Variants in TENM2 observed in about 807,000 individuals in gnomAD.
TENM2 encodes the protein teneurin transmembrane protein 2, also known as teneurin-2.
In TENM2, 52 loss-of-function variants were observed where a neutral mutation model predicts 245.2. The ratio of observed to expected loss-of-function variants is 0.21; its 90% confidence interval spans 0.17 to 0.27. The LOEUF (loss-of-function observed/expected upper bound fraction) is 0.27, where lower values mean the gene tolerates loss of function less well. Among genes scored for constraint, TENM2 ranks in the 10% least tolerant of loss-of-function variants. The pLI is 1.00. For synonymous variants in TENM2, 1,363 were observed against 1,438.9 expected (o/e 0.95, Z 1.19); for missense variants, 3,046 against 3,666.8 (o/e 0.83, Z 4.37).
intron 2 of TENM2, among the ~76,000 whole-genome samples, chr5:167,398,700 A>G (rs1283517368): frequency 1.3e-5 from 2 of 152,078 alleles, no homozygotes; most frequent in Non-Finnish European, 2.9e-5. Context: ...TCGGCCTCCC[A>G]AAGTGCTGGG....
intron 2 of TENM2, among the ~76,000 whole-genome samples, chr5:167,498,013 G>A (rs1180065830): frequency 6.6e-6 from 1 of 152,040 alleles, no homozygotes; most frequent in Non-Finnish European, 1.5e-5. Flanking sequence ...GAATTATGTC[G>A]AGAAGCTCTT....
chr5:168,031,213 T>G (rs1287937384), intron 5 of TENM2, among the ~76,000 whole-genome samples: 1 of 152,210 alleles, frequency 6.6e-6, no homozygotes, highest in Non-Finnish European at 1.5e-5. Context: ...TCAATAGAGA[T>G]GAATGTCCTC....
intron 4 of TENM2, among the ~76,000 whole-genome samples, chr5:167,974,037 A>AG (rs1554163794): frequency 4.0e-5 from 1 of 25,060 alleles, no homozygotes; most frequent in African/African-American, 4.1e-4. Context: ...GGAAGGAAGG[A>AG]GAAGGAAGGA....
At chr5:168,204,267 C>A in intron 18 of TENM2, 105 bp from the exon 21 acceptor site, 1 of 1,244,000 alleles carries the variant, frequency 8.0e-7, no homozygotes, top group Non-Finnish European at 1.1e-6. Flanking sequence ...GCTCCCCGAG[C>A]ACTGAAGATT....
the TENM2 span, among the ~76,000 whole-genome samples, chr5:167,017,329 T>G: frequency 2.1e-4 from 32 of 152,322 alleles, no homozygotes; most frequent in Admixed American, 3.3e-4. Flanking sequence ...AATAAAATGT[T>G]AAAAATCTGT....
intron 2 of TENM2, among the ~76,000 whole-genome samples, chr5:167,390,049 T>G (rs747124412): frequency 1.7e-4 from 26 of 152,202 alleles, no homozygotes. Flanking sequence ...CAGGTCCTAT[T>G]GTACCTTATT....
chr5:167,726,759 C>A (rs1760037420), intron 2 of TENM2, among the ~76,000 whole-genome samples: 1 of 152,074 alleles, frequency 6.6e-6, no homozygotes, highest in Non-Finnish European at 1.5e-5. Context: ...ATGCTGGGCC[C>A]CCTTTTCTTA....
chr5:168,008,911 G>T (rs1217880627), intron 5 of TENM2, among the ~76,000 whole-genome samples: 1 of 152,108 alleles, frequency 6.6e-6, no homozygotes, highest in African/African-American at 2.4e-5. Flanking sequence ...TCTCTGCACG[G>T]TTTCTTTATT....
chr5:168,205,510 G>A (rs1048029649), intron 19 of TENM2, among the ~76,000 whole-genome samples: 3 of 152,184 alleles, frequency 2.0e-5, no homozygotes, highest in East Asian at 3.8e-4. Context: ...GGATGAGGAG[G>A]CTACGTAAGG....
chr5:168,012,558 G>A (rs1785301799), intron 5 of TENM2, among the ~76,000 whole-genome samples: 1 of 151,254 alleles, frequency 6.6e-6, no homozygotes, highest in Non-Finnish European at 1.5e-5. Flanking sequence ...TGAGGTGGGA[G>A]GATAGCTTGA....
chr5:167,933,255 C>T (rs149038246), intron 3 of TENM2, among the ~76,000 whole-genome samples: 10 of 152,224 alleles, frequency 6.6e-5, no homozygotes, highest in African/African-American at 2.4e-4. Context: ...TTTGTTTGTT[C>T]TTTGTTAACA....
At chr5:167,695,160 A>C (rs1459882289) in intron 2 of TENM2, among the ~76,000 whole-genome samples, 1 of 152,210 alleles carries the variant, frequency 6.6e-6, no homozygotes, top group Non-Finnish European at 1.5e-5. Flanking sequence ...TAGGCACAGC[A>C]CCTGCAGTGG....
intron 2 of TENM2, among the ~76,000 whole-genome samples, chr5:167,595,886 A>C (rs1776171475): frequency 6.6e-6 from 1 of 152,198 alleles, no homozygotes; most frequent in South Asian, 2.1e-4. Flanking sequence ...AAAATAAAGG[A>C]AGAAAAACTT....
intron 1 of TENM2, among the ~76,000 whole-genome samples, chr5:167,346,931 C>A (rs1302946770): frequency 2.6e-5 from 4 of 152,088 alleles, no homozygotes; most frequent in Non-Finnish European, 5.9e-5. Flanking sequence ...TACGCCTCCA[C>A]ACCCAGCTAT....
At chr5:167,859,117 C>A (rs1310676866) in intron 2 of TENM2, among the ~76,000 whole-genome samples, 63 of 132,482 alleles carry the variant, frequency 4.8e-4, no homozygotes, top group Middle Eastern at 8.5e-3. Flanking sequence ...CGCCTCTGCC[C>A]CGCCGCCCCA....
intron 5 of TENM2, among the ~76,000 whole-genome samples, chr5:168,004,512 C>CGTGT (rs1336578016): frequency 1.3e-5 from 1 of 77,078 alleles, no homozygotes; most frequent in Non-Finnish European, 2.5e-5. Context: ...CGCATGCGCG[C>CGTGT]GCGCGCACAC....
At chr5:167,974,080 AGGAAGGAAG>A (rs769961127) in intron 4 of TENM2, among the ~76,000 whole-genome samples, 1 of 6,118 alleles carries the variant, frequency 1.6e-4, no homozygotes, top group Non-Finnish European at 2.5e-4. Flanking sequence ...GGAGGAAGGA[AGGAAGGAAG>A]GGAAGGAAGG....
chr5:167,233,265 C>T, the TENM2 span, among the ~76,000 whole-genome samples: 1 of 152,166 alleles, frequency 6.6e-6, no homozygotes, highest in Non-Finnish European at 1.5e-5. Context: ...GCTGCTTATG[C>T]ATATGTACTC....
intron 2 of TENM2, among the ~76,000 whole-genome samples, chr5:167,628,795 TAAAG>T (rs1423923694): frequency 6.6e-6 from 1 of 152,228 alleles, no homozygotes; most frequent in Non-Finnish European, 1.5e-5. Flanking sequence ...CAGTTGAGGA[TAAAG>T]AAAGACTTTA....
Sources: allele counts gnomAD v4.1 joint callset (sites outside exome capture counted in the v4.1 genomes callset), GRCh38; gene constraint gnomAD v4.1.1; transcripts MANE v1.5; gene names NCBI Gene and HGNC (gene_info 2026-07-23, HGNC 2026-07-21).